The following DLG2 variants were observed in gnomAD, a reference collection of about 807,000 sequenced individuals.
The protein encoded by DLG2 is discs large MAGUK scaffold protein 2, also known as disks large homolog 2.
A neutral mutation model predicts 132.5 loss-of-function variants in DLG2; 45 were observed. The ratio of observed to expected loss-of-function variants is 0.34; its 90% CI spans 0.27 to 0.44. DLG2 has a LOEUF of 0.44. Ranked by LOEUF, DLG2 falls within the 20% of genes least tolerant of loss-of-function variation. The pLI, the probability that DLG2 is intolerant of heterozygous loss-of-function variation, is 1.00. For missense variants in DLG2, 1,045 were observed against 1,196.9 expected (o/e 0.87, Z 1.87); for synonymous variants, 424 against 419.6 (o/e 1.01, Z -0.13).
At chr11:84,806,988 A>T (rs914930799) in intron 6 of DLG2, among the ~76,000 whole-genome samples, 24 of 152,188 alleles carry the variant, frequency 1.6e-4, no homozygotes, top group Non-Finnish European at 2.8e-4. Flanking sequence ...ATGTGATATT[A>T]ATACTTAGCC....
chr11:83,791,601 C>A (rs1301653053), intron 17 of DLG2: 4 of 410,206 alleles, frequency 9.8e-6, no homozygotes, highest in African/African-American at 2.1e-5. Context: ...CCTAATCCAA[C>A]GGATGAAAAT....
At chr11:84,385,165 A>G (rs2098764522) in intron 7 of DLG2, among the ~76,000 whole-genome samples, 1 of 152,096 alleles carries the variant, frequency 6.6e-6, no homozygotes, top group Non-Finnish European at 1.5e-5. Context: ...ACTGGTACAA[A>G]TTCGCGAATC....
intron 18 of DLG2, among the ~76,000 whole-genome samples, chr11:83,648,603 A>G (rs1217327579): frequency 6.6e-6 from 1 of 152,160 alleles, no homozygotes; most frequent in Non-Finnish European, 1.5e-5. Flanking sequence ...GAACTTGCTA[A>G]TAGAACCCCT....
intron 3 of DLG2, among the ~76,000 whole-genome samples, chr11:85,312,219 T>C (rs2080358892): frequency 6.6e-6 from 1 of 151,954 alleles, no homozygotes; most frequent in Admixed American, 6.6e-5. Flanking sequence ...CAGTTTTGTA[T>C]GAATGCATAT....
chr11:84,982,656 C>T (rs2055921615), intron 6 of DLG2, among the ~76,000 whole-genome samples: 2 of 152,028 alleles, frequency 1.3e-5, no homozygotes, highest in Admixed American at 6.6e-5. Flanking sequence ...TATGATACTA[C>T]TCTGGGTAGA....
chr11:84,711,751 G>A (rs150190285), intron 6 of DLG2, among the ~76,000 whole-genome samples: 242 of 152,076 alleles, frequency 1.6e-3, no homozygotes, highest in African/African-American at 5.3e-3. Context: ...ACATTAGGGA[G>A]GACAATCTGC....
At chr11:83,495,245 G>A (rs375390916) in intron 21 of DLG2, among the ~76,000 whole-genome samples, 2 of 152,110 alleles carry the variant, frequency 1.3e-5, no homozygotes, top group Non-Finnish European at 2.9e-5. Flanking sequence ...CTGTTGGAGT[G>A]GGGGAGGTAT....
intron 11 of DLG2, among the ~76,000 whole-genome samples, chr11:84,049,357 G>T (rs750347626): frequency 1.3e-5 from 2 of 151,772 alleles, no homozygotes; most frequent in Non-Finnish European, 2.9e-5. Context: ...TAAGCAATGT[G>T]CCAGATGCCT....
intron 7 of DLG2, among the ~76,000 whole-genome samples, chr11:84,378,192 T>A (rs2098736640): frequency 6.6e-6 from 1 of 152,140 alleles, no homozygotes; most frequent in Non-Finnish European, 1.5e-5. Flanking sequence ...CTGTGATTTA[T>A]TAGGATTAGT....
At chr11:84,935,974 A>C (rs2048700033) in intron 6 of DLG2, among the ~76,000 whole-genome samples, 1 of 152,214 alleles carries the variant, frequency 6.6e-6, no homozygotes, top group African/African-American at 2.4e-5. Flanking sequence ...CTAAAATTTA[A>C]AACTAGTTAC....
At chr11:83,517,769 A>G (rs1286940385) in intron 21 of DLG2, among the ~76,000 whole-genome samples, 1 of 152,026 alleles carries the variant, frequency 6.6e-6, no homozygotes, top group Non-Finnish European at 1.5e-5. Flanking sequence ...GGTCTGTTGG[A>G]GTTTGCCGGA....
intron 7 of DLG2, among the ~76,000 whole-genome samples, chr11:84,346,783 G>A (rs2098541210): frequency 1.3e-5 from 2 of 152,080 alleles, no homozygotes; most frequent in African/African-American, 4.8e-5. Flanking sequence ...TCACCATGTT[G>A]GCCAGGATGG....
chr11:84,092,116 A>G (rs2097102386), intron 10 of DLG2, among the ~76,000 whole-genome samples: 1 of 152,226 alleles, frequency 6.6e-6, no homozygotes, highest in African/African-American at 2.4e-5. Flanking sequence ...TACATCTGTG[A>G]AGTCCCTTTT....
intron 6 of DLG2, among the ~76,000 whole-genome samples, chr11:84,673,116 A>T (rs2153695412): frequency 6.6e-6 from 1 of 152,188 alleles, no homozygotes; most frequent in East Asian, 1.9e-4. Flanking sequence ...CAACATTAGG[A>T]TTACAATTTG....
chr11:84,701,821 T>A (rs2059255420), intron 6 of DLG2, among the ~76,000 whole-genome samples: 1 of 151,636 alleles, frequency 6.6e-6, no homozygotes, highest in Non-Finnish European at 1.5e-5. Context: ...TGCCTTCATT[T>A]GTCTTTGCAG....
intron 6 of DLG2, among the ~76,000 whole-genome samples, chr11:84,557,305 T>A (rs2099413829): frequency 6.6e-6 from 1 of 152,184 alleles, no homozygotes; most frequent in Non-Finnish European, 1.5e-5. Context: ...ATAGATTTCA[T>A]CTGTGGATTT....
intron 6 of DLG2, among the ~76,000 whole-genome samples, chr11:84,584,979 C>T (rs1055284006): frequency 4.0e-5 from 6 of 151,844 alleles, no homozygotes; most frequent in Non-Finnish European, 7.4e-5. Flanking sequence ...TGAGCCACCG[C>T]GCCCGGCCCC....
At chr11:83,710,698 T>G (rs2085209710) in intron 18 of DLG2, among the ~76,000 whole-genome samples, 1 of 152,154 alleles carries the variant, frequency 6.6e-6, no homozygotes, top group Non-Finnish European at 1.5e-5. Flanking sequence ...ATGTAGTTAG[T>G]AGGACATGAG....
chr11:83,647,440 G>A (rs1283415300), intron 18 of DLG2: 1 of 152,140 alleles, frequency 6.6e-6, no homozygotes, highest in Non-Finnish European at 1.5e-5. Flanking sequence ...TTGGCAGGTC[G>A]AAGAGAGAAT....
Sources: allele counts gnomAD v4.1 joint callset (sites outside exome capture counted in the v4.1 genomes callset), GRCh38; gene constraint gnomAD v4.1.1; transcripts MANE v1.5; gene names NCBI Gene and HGNC (gene_info 2026-07-23, HGNC 2026-07-21).